Variants in TUBB3 observed in about 807,000 individuals in gnomAD.
TUBB3 encodes tubulin beta-3 chain.
TUBB3 carries 17 observed loss-of-function variants against 37.8 expected under a neutral mutation model. The observed-to-expected ratio is 0.45, with a 90% CI of 0.31 to 0.67. The LOEUF (loss-of-function observed/expected upper bound fraction) is 0.67, where lower values mean the gene tolerates loss of function less well. Among genes scored for constraint, TUBB3 ranks in the 30% least tolerant of loss-of-function variants. The probability of loss-of-function intolerance (pLI) is 0.07; values close to 1 mark genes in which losing one functional copy is unlikely to be tolerated. For missense variants in TUBB3, 262 were observed against 657.9 expected (o/e 0.40, Z 6.58); for synonymous variants, 332 against 278.9 (o/e 1.19, Z -1.90).
Position 89,934,773 on chromosome 16 carries a change from G to T in TUBB3, c.322G>T (p.Glu108Ter). 6.2e-7 allele frequency: 1 copy of T among 1,614,180 alleles called. No individual in the cohort carries two copies. The highest frequency in any genetic ancestry group is 8.5e-7 in the Non-Finnish European group (1 of 1,180,032). ...GNNWAKGHYT[E>*]GAELVDSVLD... ...CAACTGGGCCAAGGGTCACTACACGGAGGGGGCGGAGCTGGTGGATTCGGT... is the reference window on the plus strand; with the variant it reads ...CAACTGGGCCAAGGGTCACTACACGTAGGGGGCGGAGCTGGTGGATTCGGT... Residue 108 changes from glutamate to a stop codon, truncating the protein, a stop_gained, in exon 4 of 4, where the codon GAG (glutamate) becomes TAG (stop). Coordinates refer to ENST00000315491, the MANE Select transcript of TUBB3 (RefSeq NM_006086.4). LOFTEE classifies it high-confidence loss of function.
intron 1 of TUBB3, among the ~76,000 whole-genome samples, chr16:89,929,131 T>G (rs2030192523): frequency 6.6e-6 from 1 of 151,884 alleles, no homozygotes; most frequent in African/African-American, 2.4e-5. Context: ...CCCGGCTAAT[T>G]TTTGTATTTT....
chr16:89,933,159 C>G (rs1007830906), intron 2 of TUBB3: 7 of 640,440 alleles, frequency 1.1e-5, no homozygotes, highest in African/African-American at 7.1e-5. Context: ...AACTCCTGGA[C>G]TCAAGCGATC....
chr16:89,932,707 C>A, intron 2 of TUBB3, 28 bp downstream of exon 2: 1 of 1,584,130 alleles, frequency 6.3e-7, no homozygotes, highest in East Asian at 2.2e-5. Flanking sequence ...CCTCCCTATC[C>A]CAGCCCTGGA....
At chr16:89,925,227 T>G (rs2030031251) in intron 1 of TUBB3, among the ~76,000 whole-genome samples, 1 of 152,194 alleles carries the variant, frequency 6.6e-6, no homozygotes, top group South Asian at 2.1e-4. Context: ...ACTGGAGCTC[T>G]TAGTTTGCCC....
chr16:89,936,027 TTTTG>T lies in TUBB3; in HGVS notation c.*227_*230del. 2 of 621,286 alleles carry T rather than the reference TTTTG, an allele frequency of 3.2e-6. No individual in the cohort carries two copies. The highest frequency in any genetic ancestry group is 5.6e-6 in the Non-Finnish European group (2 of 357,438). 38.5% of individuals were successfully genotyped at this position (621,286 alleles called of 1,614,324 possible). On this transcript the variant is annotated 3_prime_UTR_variant, in exon 4 of 4. Transcript: ENST00000315491. ...CAGCTCCAGGCCTGACGTTTTACGG[TTTTG>T]TTTTTTACTGGTTTGTGTTTATATT...
chr16:89,925,087 C>T (rs969718309), intron 1 of TUBB3, among the ~76,000 whole-genome samples: 2 of 152,094 alleles, frequency 1.3e-5, no homozygotes, highest in Non-Finnish European at 2.9e-5. Context: ...CCACAAGGCA[C>T]TTGTCAGGCA....
intron 3 of TUBB3, 24 bp downstream of exon 3, chr16:89,933,602 C>T (rs760906693): frequency 6.3e-7 from 1 of 1,586,590 alleles, no homozygotes; most frequent in Admixed American, 1.7e-5. Context: ...GCTCCAAGCT[C>T]TGATGGCAGA....
upstream of TUBB3, among the ~76,000 whole-genome samples, chr16:89,922,827 C>T (rs932051065): frequency 1.3e-4 from 20 of 152,246 alleles, no homozygotes; most frequent in Non-Finnish European, 1.9e-4. Context: ...TTTGTTTCTT[C>T]TCAGTGGGTT....
chr16:89,927,830 G>A (rs936752308), intron 1 of TUBB3, among the ~76,000 whole-genome samples: 4 of 152,190 alleles, frequency 2.6e-5, no homozygotes, highest in Non-Finnish European at 4.4e-5. Flanking sequence ...CCTGTGCCTC[G>A]CTCTGCAGAG....
intron 1 of TUBB3, among the ~76,000 whole-genome samples, chr16:89,924,588 G>T (rs934325709): frequency 6.6e-5 from 10 of 152,062 alleles, no homozygotes; most frequent in Non-Finnish European, 1.3e-4. Context: ...CCAGAGAAAG[G>T]CAGCCTCCGG....
chr16:89,923,525 G>A (rs2029960985), intron 1 of TUBB3, 67 bp downstream of exon 1: 1 of 1,310,014 alleles, frequency 7.6e-7, no homozygotes. Context: ...GTGCCCCGCG[G>A]GCCGCACCTC....
At chr16:89,926,500 C>A (rs1484170945) in intron 1 of TUBB3, among the ~76,000 whole-genome samples, 1 of 152,248 alleles carries the variant, frequency 6.6e-6, no homozygotes, top group African/African-American at 2.4e-5. Flanking sequence ...AAGCGCTGCG[C>A]GAGGTCAGCA....
chr16:89,929,703 C>G (rs2030211864), intron 1 of TUBB3, among the ~76,000 whole-genome samples: 1 of 151,904 alleles, frequency 6.6e-6, no homozygotes, highest in African/African-American at 2.4e-5. Flanking sequence ...AAGCAGTTTT[C>G]TTTCTTTCTT....
chr16:89,934,397 T>A (rs1292001696), intron 3 of TUBB3: 4 of 523,966 alleles, frequency 7.6e-6, no homozygotes, highest in Non-Finnish European at 1.1e-5. Context: ...GGTGGCTGTT[T>A]GGGCTCCTGG....
At chr16:89,934,670 G>A (rs2151092699) in intron 3 of TUBB3, 59 bp from the exon 4 acceptor site, 1 of 1,539,568 alleles carries the variant, frequency 6.5e-7, no homozygotes, top group South Asian at 1.1e-5. Flanking sequence ...GGCAGGGGCT[G>A]GAGGTCTGGA....
intron 2 of TUBB3, 191 bp from the exon 3 acceptor site, chr16:89,933,277 C>G (rs1480218040): frequency 4.2e-6 from 3 of 721,350 alleles, no homozygotes; most frequent in Non-Finnish European, 7.6e-6. Context: ...CCTGCTCCGT[C>G]CTTAAACACA....
Position 89,934,808 on chromosome 16 carries a change from G to A in TUBB3, c.357G>A (p.Val119=), listed in dbSNP as rs34174718. The A allele has an allele frequency of 7.2e-4, 1,160 of 1,614,190 alleles. 2 individuals carry two copies. Among genetic ancestry groups the A allele is most frequent in the Middle Eastern group, 1.8e-3 (11 of 6,062 alleles). Residue 119 remains valine, a synonymous_variant, in exon 4 of 4, where the codon GTG becomes GTA. Coordinates refer to ENST00000315491, the MANE Select transcript of TUBB3 (RefSeq NM_006086.4). The part of the protein sequence containing the change: ...GAELVDSVLD[V]VRKECENCDC... The stretch of plus-strand genomic sequence containing the variant: ...AGCTGGTGGATTCGGTCCTGGATGT[G>A]GTGCGGAAGGAGTGTGAAAACTGCG...
intron 1 of TUBB3, among the ~76,000 whole-genome samples, chr16:89,930,692 C>T (rs1480640145): frequency 1.3e-5 from 2 of 152,098 alleles, no homozygotes; most frequent in Non-Finnish European, 2.9e-5. Context: ...AGCCACCGCA[C>T]CTGGCCTCTA....
chr16:89,930,689 G>A (rs1337912840), intron 1 of TUBB3, among the ~76,000 whole-genome samples: 3 of 152,086 alleles, frequency 2.0e-5, no homozygotes, highest in East Asian at 1.9e-4. Context: ...GTGAGCCACC[G>A]CACCTGGCCT....
Sources: allele counts gnomAD v4.1 joint callset (sites outside exome capture counted in the v4.1 genomes callset), GRCh38; gene constraint gnomAD v4.1.1; transcripts MANE v1.5; gene names NCBI Gene and HGNC (gene_info 2026-07-23, HGNC 2026-07-21).